The following P2RX1 variants were observed in gnomAD, a reference collection of about 807,000 sequenced individuals.
P2RX1 encodes P2X purinoceptor 1.
In P2RX1, 42 loss-of-function variants were observed where a neutral mutation model predicts 50.3. That is an observed-to-expected ratio of 0.83 (90% confidence interval 0.65 to 1.08). The LOEUF is 1.08. Ranked by LOEUF, P2RX1 falls within the 50% of genes least tolerant of loss-of-function variation. The pLI is 0.00. For synonymous variants in P2RX1, 199 were observed against 202.6 expected (o/e 0.98, Z 0.15); for missense variants, 449 against 529.0 (o/e 0.85, Z 1.48).
chr17:3,916,276 C>T lies in P2RX1; in HGVS notation c.-51G>A. On this transcript the variant is annotated 5_prime_UTR_variant, in exon 1 of 12. Transcript: ENST00000225538. Reference sequence around the variant, plus strand: ...GAGCCCCCTGCACGGCCTCTGCTCTCAGGGTGAGCCGGGTGCCACCACCCA... The same window carrying T: ...GAGCCCCCTGCACGGCCTCTGCTCTTAGGGTGAGCCGGGTGCCACCACCCA... The T allele has an allele frequency of 1.3e-6, 2 of 1,588,140 alleles. No individual in the cohort carries two copies. Among genetic ancestry groups the T allele is most frequent in the Non-Finnish European group, 1.7e-6 (2 of 1,166,366 alleles).
intron 1 of P2RX1, chr17:3,915,855 G>T (rs1173416797): frequency 1.5e-6 from 1 of 667,628 alleles, no homozygotes; most frequent in South Asian, 1.5e-5. Context: ...AGAACCCAGA[G>T]ACTCTGCCTC....
At chr17:3,904,558 A>C in intron 3 of P2RX1, 159 bp from the exon 4 acceptor site, 1 of 715,010 alleles carries the variant, frequency 1.4e-6, no homozygotes, top group Non-Finnish European at 2.4e-6. Flanking sequence ...ATTTCCCCCC[A>C]CACTGCTCTG....
At position 3,903,690 on chromosome 17, in the gene P2RX1, A is replaced by T. The variant is rs1243524295; in HGVS notation, c.525-59T>A. On this transcript the variant is annotated intron_variant, in intron 5 of 11. Transcript: ENST00000225538. The surrounding 1 kb of genome is among the most constrained non-coding windows in gnomAD (Gnocchi z 4.6). ...CCAGGAGGCCCCCTGTGTGTCCCAC[A>T]CAGAGCTTGGCACAGCAGGGGGTGG... 6.4e-7 allele frequency: 1 copy of T among 1,564,460 alleles called. No individual in the cohort carries two copies. The highest frequency in any genetic ancestry group is 1.4e-5 in the African/African-American group (1 of 73,946).
At chr17:3,901,234 AT>A (rs754274320) in intron 7 of P2RX1, among the ~76,000 whole-genome samples, 2 of 152,060 alleles carry the variant, frequency 1.3e-5, no homozygotes, top group South Asian at 4.1e-4. Flanking sequence ...TGCCCGGCTA[AT>A]TTTTTATATT....
intron 1 of P2RX1, chr17:3,915,731 G>A (rs566985109): frequency 2.0e-4 from 96 of 483,284 alleles, no homozygotes; most frequent in African/African-American, 1.4e-3. Flanking sequence ...TGTCAGTGGC[G>A]GCCTGGTTTG....
At position 3,899,766 on chromosome 17, in the gene P2RX1, C is replaced by G. The variant is rs371312141; in HGVS notation, c.748-5G>C. On this transcript the variant is annotated splice_polypyrimidine_tract_variant and splice_region_variant and intron_variant, in intron 7 of 11. Coordinates refer to ENST00000225538, the MANE Select transcript of P2RX1 (RefSeq NM_002558.4). ...GGTGATGCCAACCACTCCACCCTGC[C>G]AGGGACACAAGTAGTTAAGATCTGG... is the stretch of plus-strand genomic sequence containing the variant. The G allele has an allele frequency of 2.3e-5, 37 of 1,613,280 alleles. No homozygotes were observed. Among genetic ancestry groups the G allele is most frequent in the Non-Finnish European group, 3.1e-5 (36 of 1,179,448 alleles).
At chr17:3,910,577 C>T (rs73328935) in intron 1 of P2RX1, among the ~76,000 whole-genome samples, 4,477 of 152,292 alleles carry the variant, frequency 0.029, 203 homozygotes, top group African/African-American at 0.099. Context: ...GGGACAGGTG[C>T]GGGGGCAGCT....
intron 1 of P2RX1, among the ~76,000 whole-genome samples, chr17:3,906,829 C>G (rs544004616): frequency 1.3e-5 from 2 of 152,374 alleles, no homozygotes; most frequent in South Asian, 4.1e-4. Context: ...GTTCCATCCC[C>G]CTAGTAACAG....
chr17:3,912,047 T>C (rs1381600633), intron 1 of P2RX1, among the ~76,000 whole-genome samples: 2 of 152,232 alleles, frequency 1.3e-5, no homozygotes, highest in Admixed American at 6.5e-5. Context: ...GAGCTGCTGG[T>C]GGCCGTTTCA....
intron 7 of P2RX1, among the ~76,000 whole-genome samples, chr17:3,901,291 T>A (rs373503633): frequency 2.0e-5 from 3 of 152,258 alleles, no homozygotes; most frequent in South Asian, 2.1e-4. Context: ...ATGGTCTCGA[T>A]CTCCTGACCT....
chr17:3,907,666 C>T (rs2056292335), intron 1 of P2RX1, among the ~76,000 whole-genome samples: 1 of 152,224 alleles, frequency 6.6e-6, no homozygotes, highest in Admixed American at 6.5e-5. Context: ...GAAGCCTAAG[C>T]TTGGTCACTG....
intron 7 of P2RX1, among the ~76,000 whole-genome samples, chr17:3,900,402 C>T (rs563723060): frequency 5.6e-4 from 85 of 151,992 alleles, no homozygotes; most frequent in South Asian, 3.3e-3. Context: ...TGCAGTGAGC[C>T]GAGATCACAC....
chr17:3,907,595 C>G (rs2056291103), intron 1 of P2RX1, among the ~76,000 whole-genome samples: 1 of 152,132 alleles, frequency 6.6e-6, no homozygotes. Context: ...TTCTCATGGC[C>G]CACCCACCTC....
Position 3,903,875 on chromosome 17 carries a change from C to T in P2RX1, c.524+53G>A, listed in dbSNP as rs979664011. ...AGATCCTTTCTAGACCTAGGCCCCC[C>T]TCTGTCTGGCCTGGGACCCTGTTCT... On this transcript the variant is annotated intron_variant, in intron 5 of 11. Transcript: ENST00000225538. The surrounding 1 kb of genome is among the most constrained non-coding windows in gnomAD (Gnocchi z 4.6). 6.9e-7 allele frequency: 1 copy of T among 1,454,002 alleles called. No homozygotes were observed. The highest frequency in any genetic ancestry group is 9.7e-7 in the Non-Finnish European group (1 of 1,034,212). 90.1% of individuals were successfully genotyped at this position (1,454,002 alleles called of 1,614,324 possible).
chr17:3,904,963 G>GGGGGGGGGGGGGGGGC, intron 2 of P2RX1, 34 bp from the exon 3 acceptor site: 2 of 435,296 alleles, frequency 4.6e-6, no homozygotes, highest in Admixed American at 2.8e-5. Context: ...GGTGGGGTGG[G>GGGGGGGGGGGGGGGGC]CTGGGAGCTG....
intron 1 of P2RX1, among the ~76,000 whole-genome samples, chr17:3,910,908 T>C (rs1196029057): frequency 1.3e-5 from 2 of 152,230 alleles, no homozygotes; most frequent in Non-Finnish European, 2.9e-5. Context: ...ACAAACACTG[T>C]GTGTTGAATG....
At chr17:3,899,533 G>A in intron 8 of P2RX1, 101 bp downstream of exon 8, 1 of 1,498,346 alleles carries the variant, frequency 6.7e-7, no homozygotes, top group Non-Finnish European at 9.2e-7. Flanking sequence ...AGGACCCTCT[G>A]CTCCCCTCTG....
intron 1 of P2RX1, among the ~76,000 whole-genome samples, chr17:3,907,328 T>TGTGTGTGTGTGTGTG (rs1555548651): frequency 6.7e-6 from 1 of 148,738 alleles, no homozygotes; most frequent in African/African-American, 2.5e-5. Flanking sequence ...TGTGTGTGTG[T>TGTGTGTGTGTGTGTG]TGGGGTATGG....
chr17:3,911,049 C>T (rs1003760350), intron 1 of P2RX1, among the ~76,000 whole-genome samples: 1 of 152,106 alleles, frequency 6.6e-6, no homozygotes, highest in Non-Finnish European at 1.5e-5. Context: ...CTGGTGCAGT[C>T]GTGGCTCACT....
Sources: gnomAD v4.1 joint callset for allele counts (sites outside exome capture counted in the v4.1 genomes callset) on GRCh38, gnomAD v4.1.1 for gene constraint, Gnocchi (gnomAD v3.1) non-coding constraint, MANE v1.5 for transcripts, NCBI Gene and HGNC (gene_info 2026-07-23, HGNC 2026-07-21) for gene names.